The following CACNB2 variants were observed in gnomAD, a reference collection of about 807,000 sequenced individuals.
CACNB2 encodes the protein voltage-dependent L-type calcium channel subunit beta-2.
A neutral mutation model predicts 73.3 loss-of-function variants in CACNB2; 42 were observed. The ratio of observed to expected loss-of-function variants is 0.57; its 90% CI spans 0.45 to 0.74. The LOEUF (loss-of-function observed/expected upper bound fraction) is 0.74. Ranked by LOEUF, CACNB2 falls within the 30% of genes least tolerant of loss-of-function variation. The probability of loss-of-function intolerance (pLI) is 0.00; values close to 1 mark genes in which losing one functional copy is unlikely to be tolerated. For synonymous variants in CACNB2, 348 were observed against 310.3 expected, an observed-to-expected ratio of 1.12 and a Z score of -1.28; for missense variants, 940 against 853.0, an observed-to-expected ratio of 1.10 and a Z score of -1.27.
chr10:18,204,473 A>G (rs2131324456), intron 2 of CACNB2, among the ~76,000 whole-genome samples: 1 of 152,326 alleles, frequency 6.6e-6, no homozygotes, highest in East Asian at 1.9e-4. Context: ...TCTTGCTCTA[A>G]TTGACAAAAG....
intron 12 of CACNB2, among the ~76,000 whole-genome samples, chr10:18,536,936 C>A (rs978840334): frequency 1.3e-5 from 2 of 152,186 alleles, no homozygotes; most frequent in African/African-American, 4.8e-5. Flanking sequence ...TACCTAGATT[C>A]TCACTTGTCG....
At chr10:18,534,379 GT>G in intron 11 of CACNB2, 152 bp downstream of exon 11, 1 of 736,998 alleles carries the variant, frequency 1.4e-6, no homozygotes, top group East Asian at 2.6e-5. Context: ...AATTGATATA[GT>G]TTCATGGCTT....
intron 2 of CACNB2, among the ~76,000 whole-genome samples, chr10:18,240,611 C>A (rs2036611888): frequency 1.3e-5 from 2 of 152,166 alleles, no homozygotes; most frequent in Non-Finnish European, 2.9e-5. Flanking sequence ...ATCTTGTCTC[C>A]CCATATCCTG....
intron 3 of CACNB2, among the ~76,000 whole-genome samples, chr10:18,408,686 A>G (rs1212729277): frequency 1.3e-5 from 2 of 152,194 alleles, no homozygotes; most frequent in African/African-American, 4.8e-5. Context: ...AGGAAATCCC[A>G]GTTTCATGAT....
intron 2 of CACNB2, among the ~76,000 whole-genome samples, chr10:18,255,763 C>T (rs2037259725): frequency 6.6e-6 from 1 of 152,192 alleles, no homozygotes; most frequent in South Asian, 2.1e-4. Flanking sequence ...AGTATTTAAG[C>T]AGGTGTCTGT....
chr10:18,492,672 G>A (rs1285283697), intron 3 of CACNB2, among the ~76,000 whole-genome samples: 1 of 149,984 alleles, frequency 6.7e-6, no homozygotes, highest in Non-Finnish European at 1.5e-5. Flanking sequence ...AAGAAAATGA[G>A]TATGGGAAAA....
In CACNB2 at chr10:18,506,337, T is replaced by C. The variant is rs945655117; in HGVS notation, c.594-134T>C. ...CTCCAGGAATCTCCACTGGGAAATA[T>C]TGTTTTCCTCCTTAAATGAAAGATA... On this transcript the variant is annotated intron_variant, in intron 5 of 13. Coordinates refer to ENST00000324631, the MANE Select transcript of CACNB2 (RefSeq NM_201596.3). 7.3e-6 allele frequency: 5 copies of C among 682,930 alleles called. No individual in the cohort carries two copies. In the East Asian group the frequency reaches 8.2e-5, roughly 11 times the overall value. 42.3% of individuals were successfully genotyped at this position (682,930 alleles called of 1,614,324 possible).
intron 3 of CACNB2, among the ~76,000 whole-genome samples, chr10:18,495,450 C>G (rs190378084): frequency 7.2e-5 from 11 of 152,110 alleles, no homozygotes; most frequent in Admixed American, 1.3e-4. Context: ...AACTCCCAAT[C>G]TCAGGTGATC....
At chr10:18,324,938 C>T (rs1380170062) in intron 2 of CACNB2, among the ~76,000 whole-genome samples, 1 of 152,238 alleles carries the variant, frequency 6.6e-6, no homozygotes, top group East Asian at 1.9e-4. Flanking sequence ...TTATTCCTCA[C>T]TCTTACGCCA....
intron 2 of CACNB2, among the ~76,000 whole-genome samples, chr10:18,179,397 T>A (rs1741426725): frequency 6.6e-6 from 1 of 152,194 alleles, no homozygotes; most frequent in South Asian, 2.1e-4. Flanking sequence ...TTCCTGTTTT[T>A]CTCCCTGCAT....
chr10:18,375,436 A>C (rs182711572), intron 2 of CACNB2, among the ~76,000 whole-genome samples: 13 of 152,270 alleles, frequency 8.5e-5, no homozygotes, highest in Admixed American at 7.2e-4. Flanking sequence ...CTTTGGATTG[A>C]GCTTTCAGAC....
chr10:18,301,336 A>C (rs1339770344), intron 2 of CACNB2, among the ~76,000 whole-genome samples: 1 of 152,094 alleles, frequency 6.6e-6, no homozygotes, highest in Non-Finnish European at 1.5e-5. Context: ...CAAGCTCCAC[A>C]GTAATCCCAG....
chr10:18,478,270 A>G (rs1440918760), intron 3 of CACNB2, among the ~76,000 whole-genome samples: 2 of 152,010 alleles, frequency 1.3e-5, no homozygotes, highest in African/African-American at 2.4e-5. Flanking sequence ...TTCCTCTTCT[A>G]TTTCCCACAG....
At chr10:18,196,358 T>C (rs1227159687) in intron 2 of CACNB2, among the ~76,000 whole-genome samples, 3 of 150,684 alleles carry the variant, frequency 2.0e-5, no homozygotes, top group Non-Finnish European at 4.4e-5. Context: ...AGTGGCCTGA[T>C]CATGGCTCAT....
Position 18,171,521 on chromosome 10 carries a change from G to GAAAAAAAA in CACNB2, c.213+20567_213+20574dup, listed in dbSNP as rs370201485. 9.8e-4 allele frequency among the ~76,000 whole-genome samples: 32 copies of GAAAAAAAA among 32,600 alleles called. 5 individuals are homozygous for GAAAAAAAA. Among genetic ancestry groups the GAAAAAAAA allele is most frequent in the Non-Finnish European group, 1.3e-3 (22 of 17,504 alleles). The allele number at this position is 32,600 out of a possible 152,430, so 21.4% of individuals were successfully genotyped here. On this transcript the variant is annotated intron_variant, in intron 2 of 13. Coordinates refer to ENST00000324631, the MANE Select transcript of CACNB2 (RefSeq NM_201596.3). ...TCCCTTCTTCCCGGCTTTGATAGCA[G>GAAAAAAAA]AAAAAAAAAAAAAAAAAAAAAAAAA...
intron 2 of CACNB2, among the ~76,000 whole-genome samples, chr10:18,222,555 T>G (rs1366707704): frequency 6.6e-6 from 1 of 152,178 alleles, no homozygotes; most frequent in Non-Finnish European, 1.5e-5. Context: ...TCTATTTAAG[T>G]AGTACCGATC....
chr10:18,213,463 G>A (rs1230980798), intron 2 of CACNB2, among the ~76,000 whole-genome samples: 1 of 152,164 alleles, frequency 6.6e-6, no homozygotes, highest in Non-Finnish European at 1.5e-5. Context: ...TGAAAGATTG[G>A]TGCTGTTCCA....
chr10:18,429,821 A>C (rs1205817887), intron 3 of CACNB2, among the ~76,000 whole-genome samples: 1 of 151,628 alleles, frequency 6.6e-6, no homozygotes, highest in Non-Finnish European at 1.5e-5. Flanking sequence ...AAAAAAAAAA[A>C]AAAAACAAAT....
intron 1 of CACNB2, among the ~76,000 whole-genome samples, chr10:18,146,484 T>C (rs559591439): frequency 6.6e-6 from 1 of 151,342 alleles, no homozygotes; most frequent in Non-Finnish European, 1.5e-5. Flanking sequence ...TAATTTTTTT[T>C]TTTTGTTTTT....
Sources: allele counts gnomAD v4.1 joint callset (sites outside exome capture counted in the v4.1 genomes callset), GRCh38; gene constraint gnomAD v4.1.1; transcripts MANE v1.5; gene names NCBI Gene and HGNC (gene_info 2026-07-23, HGNC 2026-07-21).